Variants in RAB7A observed in about 807,000 individuals in gnomAD.
RAB7A encodes the protein ras-related protein Rab-7a.
RAB7A carries 2 observed loss-of-function variants against 24.5 expected under a neutral mutation model. The ratio of observed to expected loss-of-function variants is 0.08; its 90% CI spans 0.03 to 0.26. The LOEUF (loss-of-function observed/expected upper bound fraction) is 0.26, where lower values mean the gene tolerates loss of function less well. Among genes scored for constraint, RAB7A ranks in the 10% least tolerant of loss-of-function variants. RAB7A has a pLI of 1.00. For synonymous variants in RAB7A, 100 were observed against 95.9 expected (o/e 1.04, Z -0.25); for missense variants, 118 against 255.7 (o/e 0.46, Z 3.67).
chr3:128,789,574 C>A, intron 1 of RAB7A, among the ~76,000 whole-genome samples: 1 of 152,090 alleles, frequency 6.6e-6, no homozygotes, highest in Non-Finnish European at 1.5e-5. Context: ...CTCAAGTGAT[C>A]TGCCCGCCTC....
intron 5 of RAB7A, among the ~76,000 whole-genome samples, chr3:128,810,512 A>G (rs757141491): frequency 6.6e-6 from 1 of 152,144 alleles, no homozygotes; most frequent in Non-Finnish European, 1.5e-5. Flanking sequence ...AGGTGCTGGC[A>G]CATGTTTCTG....
At chr3:128,753,669 A>G (rs2070707028) in intron 1 of RAB7A, among the ~76,000 whole-genome samples, 1 of 152,166 alleles carries the variant, frequency 6.6e-6, no homozygotes, top group African/African-American at 2.4e-5. Flanking sequence ...TGCTTTCAAG[A>G]TGGTCCCTTG....
At chr3:128,811,207 A>G (rs4244694) in intron 5 of RAB7A, among the ~76,000 whole-genome samples, 48,772 of 151,810 alleles carry the variant, frequency 0.32, 10,331 homozygotes, top group African/African-American at 0.6. Flanking sequence ...ACTCGCTATA[A>G]CCTCCAACTT....
chr3:128,731,183 T>C (rs961050638), intron 1 of RAB7A, among the ~76,000 whole-genome samples: 2 of 152,230 alleles, frequency 1.3e-5, no homozygotes, highest in African/African-American at 4.8e-5. Context: ...GTAAGTGTAA[T>C]AAAAAGTTGG....
intron 1 of RAB7A, among the ~76,000 whole-genome samples, chr3:128,760,799 A>G (rs898036914): frequency 7.9e-5 from 12 of 152,230 alleles, no homozygotes; most frequent in African/African-American, 2.9e-4. Context: ...TTGTGGTCGA[A>G]TCCTCTTTGT....
At chr3:128,759,882 G>T (rs2070763607) in intron 1 of RAB7A, among the ~76,000 whole-genome samples, 1 of 152,088 alleles carries the variant, frequency 6.6e-6, no homozygotes, top group Admixed American at 6.5e-5. Flanking sequence ...GGCTAATTTT[G>T]TATTTTTAGT....
At chr3:128,809,601 A>AT (rs1309862630) in intron 5 of RAB7A, among the ~76,000 whole-genome samples, 1 of 152,124 alleles carries the variant, frequency 6.6e-6, no homozygotes, top group Non-Finnish European at 1.5e-5. Context: ...GGAAAAAGTA[A>AT]TTTTTTATTT....
intron 1 of RAB7A, among the ~76,000 whole-genome samples, chr3:128,772,594 C>T (rs1001166569): frequency 6.6e-6 from 1 of 152,204 alleles, no homozygotes; most frequent in Non-Finnish European, 1.5e-5. Context: ...GCATGTTCTA[C>T]TTTGGATATC....
At chr3:128,787,462 C>T (rs916028684) in intron 1 of RAB7A, among the ~76,000 whole-genome samples, 7 of 152,128 alleles carry the variant, frequency 4.6e-5, no homozygotes, top group African/African-American at 1.7e-4. Flanking sequence ...CAGAATCCTC[C>T]TTTGGGTGAG....
chr3:128,756,844 C>CTTT (rs577316612), intron 1 of RAB7A, among the ~76,000 whole-genome samples: 2 of 139,498 alleles, frequency 1.4e-5, no homozygotes, highest in African/African-American at 5.3e-5. Flanking sequence ...TATTCGCTAT[C>CTTT]TTTTTTTTTT....
chr3:128,730,329 A>G lies in RAB7A; in HGVS notation c.-9+3970A>G, dbSNP rs536020406. On this transcript the variant is annotated intron_variant, in intron 1 of 5. Coordinates refer to ENST00000265062, the MANE Select transcript of RAB7A (RefSeq NM_004637.6). Reference sequence around the variant, plus strand: ...ACTGCAAGCTCCACCTTCCAGATTCATGCCATTCTCCTGCCTCAGCCTCCC... The same window carrying G: ...ACTGCAAGCTCCACCTTCCAGATTCGTGCCATTCTCCTGCCTCAGCCTCCC... 1.3e-4 allele frequency among the ~76,000 whole-genome samples: 19 copies of G among 151,754 alleles called. 1 individual carries two copies. In the South Asian group the frequency reaches 3.9e-3, roughly 31 times the overall value.
intron 1 of RAB7A, among the ~76,000 whole-genome samples, chr3:128,793,815 G>A (rs1933512355): frequency 6.6e-6 from 1 of 152,218 alleles, no homozygotes; most frequent in South Asian, 2.1e-4. Context: ...GGTGGGCTGA[G>A]ATACCGTGTC....
Position 128,785,613 on chromosome 3 carries a change from G to A in RAB7A, c.-8-9747G>A, listed in dbSNP as rs148721762. Among the ~76,000 whole-genome samples the A allele has an allele frequency of 2.9e-3, 434 of 151,910 alleles. 1 individual carries two copies. The highest frequency in any genetic ancestry group is 0.01 in the Middle Eastern group (3 of 294). On this transcript the variant is annotated intron_variant, in intron 1 of 5. Transcript: ENST00000265062. ...ATCTCTACTAAAAATACAAAAAGGC[G>A]TGGTGGCTCGCACCTGCAGTCCTAG... is the stretch of plus-strand genomic sequence containing the variant.
intron 4 of RAB7A, 131 bp from the exon 5 acceptor site, chr3:128,807,412 C>T (rs901135360): frequency 7.3e-7 from 1 of 1,376,712 alleles, no homozygotes; most frequent in Non-Finnish European, 1.0e-6. Flanking sequence ...CCTCCAACAC[C>T]CTCTTTCCCC....
rs149229920 is a variant in RAB7A at position 128,780,149 on chromosome 3, C to G, written c.-8-15211C>G. On this transcript the variant is annotated intron_variant, in intron 1 of 5. Coordinates refer to ENST00000265062, the MANE Select transcript of RAB7A (RefSeq NM_004637.6). ...AATAAAAGCCTTATGATTCTAATGT[C>G]AGAGATGCTGTCTATAGGAACAGTG... Among the ~76,000 whole-genome samples, 454 of 152,262 alleles carry G rather than the reference C, an allele frequency of 3.0e-3. 1 individual carries two copies. The highest frequency in any genetic ancestry group is 0.01 in the African/African-American group (425 of 41,546).
intron 1 of RAB7A, among the ~76,000 whole-genome samples, chr3:128,751,117 G>A: frequency 6.6e-6 from 1 of 152,190 alleles, no homozygotes; most frequent in East Asian, 1.9e-4. Flanking sequence ...TTTACTGCAG[G>A]GGCAGGACTC....
intron 1 of RAB7A, among the ~76,000 whole-genome samples, chr3:128,792,919 C>T (rs1015544569): frequency 2.6e-5 from 4 of 151,910 alleles, no homozygotes; most frequent in African/African-American, 7.3e-5. Flanking sequence ...GGCGTGATCT[C>T]GGCTCACTGC....
intron 1 of RAB7A, among the ~76,000 whole-genome samples, chr3:128,728,401 C>T (rs2070401055): frequency 6.6e-6 from 1 of 152,218 alleles, no homozygotes; most frequent in South Asian, 2.1e-4. Context: ...TTAATCACAT[C>T]TTTTAAAGAG....
intron 1 of RAB7A, among the ~76,000 whole-genome samples, chr3:128,748,146 G>A (rs1310604669): frequency 6.6e-6 from 1 of 152,240 alleles, no homozygotes; most frequent in Non-Finnish European, 1.5e-5. Context: ...ATAGGGATGA[G>A]GCTCAGGTCA....
Sources: gnomAD v4.1 joint callset for allele counts (sites outside exome capture counted in the v4.1 genomes callset) on GRCh38, gnomAD v4.1.1 for gene constraint, MANE v1.5 for transcripts, NCBI Gene and HGNC (gene_info 2026-07-23, HGNC 2026-07-21) for gene names.